The following NAALADL2 variants were observed in gnomAD, a reference collection of about 807,000 sequenced individuals.
NAALADL2 encodes the protein N-acetylated alpha-linked acidic dipeptidase like 2.
Under a neutral mutation model 87.2 loss-of-function variants are expected in NAALADL2, and 76 were observed. The observed-to-expected ratio is 0.87, with a 90% CI of 0.72 to 1.05. The LOEUF is 1.05. Among genes scored for constraint, NAALADL2 ranks in the 50% least tolerant of loss-of-function variants. The pLI is 0.00. For synonymous variants in NAALADL2, 354 were observed against 331.0 expected (o/e 1.07, Z -0.75); for missense variants, 1,089 against 945.8 (o/e 1.15, Z -1.99).
intron 3 of NAALADL2, among the ~76,000 whole-genome samples, chr3:174,749,884 TTA>T (rs1222867951): frequency 6.6e-6 from 1 of 152,206 alleles, no homozygotes; most frequent in Non-Finnish European, 1.5e-5. Flanking sequence ...ATGGGAATCA[TTA>T]TGTTAATGTC....
intron 1 of NAALADL2, among the ~76,000 whole-genome samples, chr3:174,498,845 C>T (rs994440613): frequency 2.6e-5 from 4 of 151,742 alleles, no homozygotes; most frequent in South Asian, 2.1e-4. Flanking sequence ...TTACTGATGT[C>T]GAACATGTTT....
intron 2 of NAALADL2, among the ~76,000 whole-genome samples, chr3:175,119,918 C>A (rs1274304756): frequency 3.4e-5 from 5 of 145,336 alleles, no homozygotes; most frequent in Non-Finnish European, 7.5e-5. Context: ...TAGGAAACAG[C>A]ATGGAGGATG....
intron 5 of NAALADL2, among the ~76,000 whole-genome samples, chr3:175,408,628 C>T (rs927949881): frequency 7.2e-5 from 11 of 151,916 alleles, no homozygotes; most frequent in South Asian, 2.1e-4. Context: ...ATGAATACTG[C>T]GATGATGTGT....
intron 10 of NAALADL2, among the ~76,000 whole-genome samples, chr3:175,618,852 C>T (rs779608797): frequency 6.6e-6 from 1 of 152,122 alleles, no homozygotes; most frequent in Non-Finnish European, 1.5e-5. Flanking sequence ...CTGTTGGTAA[C>T]CTTTGGGTTC....
intron 3 of NAALADL2, among the ~76,000 whole-genome samples, chr3:174,744,280 A>C (rs1560188854): frequency 6.6e-6 from 1 of 151,892 alleles, no homozygotes; most frequent in Non-Finnish European, 1.5e-5. Context: ...AGGGAAAGAG[A>C]AGACTTATGT....
chr3:175,713,637 A>G (rs1055190742), intron 11 of NAALADL2, among the ~76,000 whole-genome samples: 2 of 152,156 alleles, frequency 1.3e-5, no homozygotes, highest in Non-Finnish European at 2.9e-5. Flanking sequence ...CAACTTTGAC[A>G]TTCTATCATT....
At chr3:175,738,047 A>C (rs1416307874) in intron 12 of NAALADL2, among the ~76,000 whole-genome samples, 3 of 152,052 alleles carry the variant, frequency 2.0e-5, no homozygotes, top group African/African-American at 7.2e-5. Context: ...CCAAATACAA[A>C]GGGCAGTATT....
chr3:175,546,255 C>T (rs941672800), intron 9 of NAALADL2, among the ~76,000 whole-genome samples: 2 of 152,050 alleles, frequency 1.3e-5, no homozygotes, highest in Non-Finnish European at 2.9e-5. Flanking sequence ...GATTTTTCTC[C>T]ATCCCTTTAT....
intron 4 of NAALADL2, among the ~76,000 whole-genome samples, chr3:175,273,242 G>T (rs1753116279): frequency 6.6e-6 from 1 of 152,030 alleles, no homozygotes; most frequent in African/African-American, 2.4e-5. Flanking sequence ...ATAGAATGCT[G>T]CAGTTGTTTG....
intron 1 of NAALADL2, among the ~76,000 whole-genome samples, chr3:175,045,671 C>A (rs995335823): frequency 1.3e-5 from 2 of 152,102 alleles, no homozygotes; most frequent in African/African-American, 4.8e-5. Flanking sequence ...GTTCTGTTGC[C>A]TCTGAGTCAC....
At chr3:175,417,944 A>C (rs1050035743) in intron 5 of NAALADL2, among the ~76,000 whole-genome samples, 5 of 152,104 alleles carry the variant, frequency 3.3e-5, no homozygotes, top group Admixed American at 6.6e-5. Flanking sequence ...AGCTCCTTAG[A>C]ACCTTGCTTG....
At chr3:175,153,846 C>T (rs901699535) in intron 2 of NAALADL2, among the ~76,000 whole-genome samples, 2 of 152,118 alleles carry the variant, frequency 1.3e-5, no homozygotes, top group African/African-American at 2.4e-5. Context: ...CTGCTGATTG[C>T]CTGTCTTTCA....
chr3:174,522,798 G>A (rs1202887458), intron 1 of NAALADL2, among the ~76,000 whole-genome samples: 2 of 151,882 alleles, frequency 1.3e-5, no homozygotes, highest in Non-Finnish European at 2.9e-5. Context: ...GCCGGGTGCG[G>A]TGGCGGGCGC....
intron 11 of NAALADL2, among the ~76,000 whole-genome samples, chr3:175,650,051 C>A: frequency 1.7e-5 from 2 of 115,546 alleles, no homozygotes; most frequent in Non-Finnish European, 1.7e-5. Context: ...CAGAATAACC[C>A]CACACCAAAA....
chr3:175,397,052 C>T (rs946545196), intron 5 of NAALADL2, among the ~76,000 whole-genome samples: 6 of 151,918 alleles, frequency 3.9e-5, no homozygotes, highest in African/African-American at 1.5e-4. Context: ...ATTATAGTGC[C>T]TTGATACTTA....
intron 11 of NAALADL2, among the ~76,000 whole-genome samples, chr3:175,732,735 C>G (rs1373882817): frequency 1.3e-5 from 2 of 152,044 alleles, no homozygotes; most frequent in African/African-American, 4.8e-5. Flanking sequence ...TTGCAGGATA[C>G]TTTTTCAGCA....
At chr3:174,716,689 G>T (rs1200164989) in intron 2 of NAALADL2, among the ~76,000 whole-genome samples, 1 of 151,648 alleles carries the variant, frequency 6.6e-6, no homozygotes, top group East Asian at 1.9e-4. Context: ...TATAATCTCT[G>T]TGTGTACAGG....
At chr3:174,554,768 A>G (rs1712551590) in intron 2 of NAALADL2, among the ~76,000 whole-genome samples, 1 of 152,160 alleles carries the variant, frequency 6.6e-6, no homozygotes, top group South Asian at 2.1e-4. Context: ...TATACCAATA[A>G]TTTTTTTCCT....
chr3:174,668,095 A>G (rs1249433885), intron 2 of NAALADL2, among the ~76,000 whole-genome samples: 1 of 151,792 alleles, frequency 6.6e-6, no homozygotes, highest in Non-Finnish European at 1.5e-5. Flanking sequence ...TATGGTTTTG[A>G]TTTGCATTTC....
Sources: gnomAD v4.1 joint callset for allele counts (sites outside exome capture counted in the v4.1 genomes callset) on GRCh38, gnomAD v4.1.1 for gene constraint, MANE v1.5 for transcripts, NCBI Gene and HGNC (gene_info 2026-07-23, HGNC 2026-07-21) for gene names.